FSHR: variants seen among roughly 807,000 people sequenced by gnomAD.
FSHR encodes the protein follicle stimulating hormone receptor, also known as follicle-stimulating hormone receptor.
A neutral mutation model predicts 52.1 loss-of-function variants in FSHR; 46 were observed. The ratio of observed to expected loss-of-function variants is 0.88; its 90% CI spans 0.70 to 1.13. The LOEUF (loss-of-function observed/expected upper bound fraction) is 1.13, where lower values mean the gene tolerates loss of function less well. FSHR is among the 50% of genes most tolerant of loss of function. FSHR has a pLI of 0.00. For synonymous variants in FSHR, 399 were observed against 309.6 expected, an observed-to-expected ratio of 1.29 and a Z score of -3.03; for missense variants, 964 against 834.6, an observed-to-expected ratio of 1.16 and a Z score of -1.91.
intron 2 of FSHR, among the ~76,000 whole-genome samples, chr2:49,035,556 T>G (rs1374913917): frequency 1.3e-5 from 2 of 152,192 alleles, no homozygotes; most frequent in African/African-American, 4.8e-5. Context: ...AAGTGGCATT[T>G]AAGGCTCTTG....
At chr2:48,968,677 G>A (rs1180428704) in intron 9 of FSHR, 21 bp downstream of exon 9, 2 of 1,613,386 alleles carry the variant, frequency 1.2e-6, no homozygotes, top group South Asian at 2.2e-5. Context: ...TGCCTGAGCA[G>A]GGCTTAAAGG....
chr2:49,115,439 A>G (rs1671565686), intron 1 of FSHR, among the ~76,000 whole-genome samples: 1 of 152,154 alleles, frequency 6.6e-6, no homozygotes. Flanking sequence ...CATGATTTTT[A>G]TAGACTGTGT....
At chr2:49,051,172 AT>A (rs1488672183) in intron 2 of FSHR, among the ~76,000 whole-genome samples, 1 of 152,114 alleles carries the variant, frequency 6.6e-6, no homozygotes, top group East Asian at 1.9e-4. Context: ...GTTTGGGGCT[AT>A]TATGAATAAA....
chr2:49,109,785 A>C (rs1486623962), intron 1 of FSHR, among the ~76,000 whole-genome samples: 1 of 152,138 alleles, frequency 6.6e-6, no homozygotes. Context: ...ATGGGAAGCA[A>C]CTCTGCTAAA....
intron 2 of FSHR, among the ~76,000 whole-genome samples, chr2:49,059,057 T>A (rs117929650): frequency 6.6e-6 from 1 of 151,772 alleles, no homozygotes; most frequent in Admixed American, 6.6e-5. Flanking sequence ...AATAAAAAAA[T>A]AGCTGAGTAT....
At position 49,032,233 on chromosome 2, in the gene FSHR, G is replaced by C. The variant is rs113060823; in HGVS notation, c.225-12073C>G. 2.6e-3 allele frequency among the ~76,000 whole-genome samples: 393 copies of C among 152,260 alleles called. 1 individual carries two copies. Among genetic ancestry groups the C allele is most frequent in the African/African-American group, 8.9e-3 (370 of 41,550 alleles). On this transcript the variant is annotated intron_variant, in intron 2 of 9. Coordinates refer to ENST00000406846, the MANE Select transcript of FSHR (RefSeq NM_000145.4). ...TTTCTCTGAGTTTGTCTATCACATTGCTTTTGCCTTTATCAGGGTATTTTA... is the reference window on the plus strand; with the variant it reads ...TTTCTCTGAGTTTGTCTATCACATTCCTTTTGCCTTTATCAGGGTATTTTA...
At chr2:49,002,733 TA>T (rs1300902039) in intron 4 of FSHR, among the ~76,000 whole-genome samples, 81 of 151,666 alleles carry the variant, frequency 5.3e-4, no homozygotes, top group African/African-American at 1.9e-3. Context: ...ATCAGGATGA[TA>T]TTTGGGTGGG....
intron 2 of FSHR, among the ~76,000 whole-genome samples, chr2:49,025,292 A>T (rs149329170): frequency 5.5e-4 from 84 of 152,340 alleles, no homozygotes; most frequent in Middle Eastern, 3.4e-3. Context: ...GAATCTAAAG[A>T]TGAATAAAAT....
chr2:48,999,505 G>A (rs1676162774), intron 4 of FSHR, among the ~76,000 whole-genome samples: 1 of 152,078 alleles, frequency 6.6e-6, no homozygotes, highest in Admixed American at 6.6e-5. Flanking sequence ...TGCTAAGCAT[G>A]TGGTTCCTTA....
At chr2:49,006,842 C>G (rs1667091412) in intron 4 of FSHR, among the ~76,000 whole-genome samples, 1 of 152,150 alleles carries the variant, frequency 6.6e-6, no homozygotes, top group Non-Finnish European at 1.5e-5. Context: ...CTTTCTCAAC[C>G]ACGCTTTCTA....
chr2:49,063,246 C>G (rs190984335), intron 2 of FSHR, among the ~76,000 whole-genome samples: 1 of 152,076 alleles, frequency 6.6e-6, no homozygotes, highest in Non-Finnish European at 1.5e-5. Context: ...CTAAATTAAA[C>G]CAGCTTAATA....
chr2:48,981,972 C>G (rs985216849), intron 8 of FSHR, among the ~76,000 whole-genome samples: 1 of 152,226 alleles, frequency 6.6e-6, no homozygotes. Context: ...TTATCTATTG[C>G]TCTGCTCACC....
At chr2:48,965,950 A>G (rs1395865200) in intron 9 of FSHR, among the ~76,000 whole-genome samples, 2 of 152,080 alleles carry the variant, frequency 1.3e-5, no homozygotes. Context: ...AAAAAGTGGC[A>G]CTCTTGGACT....
intron 1 of FSHR, among the ~76,000 whole-genome samples, chr2:49,117,413 C>T (rs1671643186): frequency 6.6e-6 from 1 of 152,138 alleles, no homozygotes; most frequent in Non-Finnish European, 1.5e-5. Flanking sequence ...TAATAGTGTA[C>T]TGATGAAAAG....
At chr2:49,045,739 C>T (rs980341282) in intron 2 of FSHR, among the ~76,000 whole-genome samples, 1 of 152,162 alleles carries the variant, frequency 6.6e-6, no homozygotes, top group African/African-American at 2.4e-5. Flanking sequence ...TTGGATTAGA[C>T]ATCCATCCGC....
chr2:49,051,834 A>T (rs1668870352), intron 2 of FSHR, among the ~76,000 whole-genome samples: 1 of 152,104 alleles, frequency 6.6e-6, no homozygotes, highest in Admixed American at 6.6e-5. Flanking sequence ...TTTGCGTTTA[A>T]GTCAATTATC....
chr2:48,971,414 C>T (rs551153442), intron 8 of FSHR, among the ~76,000 whole-genome samples: 71 of 152,268 alleles, frequency 4.7e-4, no homozygotes, highest in African/African-American at 1.6e-3. Context: ...TACCAGTTGC[C>T]CCAGTTCCTG....
chr2:49,063,278 CA>C (rs1669379341), intron 2 of FSHR, among the ~76,000 whole-genome samples: 1 of 152,102 alleles, frequency 6.6e-6, no homozygotes, highest in African/African-American at 2.4e-5. Context: ...TTTGCAGTAA[CA>C]AAGGATTCTT....
intron 2 of FSHR, among the ~76,000 whole-genome samples, chr2:49,039,642 T>C (rs547144714): frequency 2.0e-5 from 3 of 152,358 alleles, no homozygotes; most frequent in South Asian, 2.1e-4. Context: ...AGCTGAATCC[T>C]TTCCACTTGT....
Sources: allele counts gnomAD v4.1 joint callset (sites outside exome capture counted in the v4.1 genomes callset), GRCh38; gene constraint gnomAD v4.1.1; transcripts MANE v1.5; gene names NCBI Gene and HGNC (gene_info 2026-07-23, HGNC 2026-07-21).